Variants in MAMLD1 observed in about 807,000 individuals in gnomAD.
MAMLD1 encodes mastermind-like domain-containing protein 1.
A neutral mutation model predicts 45.0 loss-of-function variants in MAMLD1; 14 were observed. The observed-to-expected ratio is 0.31, with a 90% CI of 0.21 to 0.49. The LOEUF is 0.49. Among genes scored for constraint, MAMLD1 ranks in the 20% least tolerant of loss-of-function variants. MAMLD1 has a pLI of 0.99. For missense variants in MAMLD1, 543 were observed against 603.6 expected (o/e 0.90, Z 1.05); for synonymous variants, 254 against 247.8 (o/e 1.02, Z -0.24).
intron 1 of MAMLD1, among the ~76,000 whole-genome samples, chrX:150,387,539 T>C (rs1483590748): frequency 6.2e-5 from 7 of 112,052 alleles, no homozygotes; most frequent in African/African-American, 2.3e-4. Flanking sequence ...CTGACTTTGC[T>C]CACACATAGG....
In MAMLD1 at chrX:150,513,966, G is replaced by A. The variant is rs782377645; in HGVS notation, c.*2007G>A. ...GTTGATTTGGGGTTTGTCTTTGATG[G>A]TTTCTATCTGCAATTATCGTCATGT... is the stretch of plus-strand genomic sequence containing the variant. On this transcript the variant is annotated 3_prime_UTR_variant, in exon 8 of 8. Transcript: ENST00000370401. 3.4e-6 allele frequency: 1 copy of A among 294,165 alleles called. No homozygotes were observed. Among genetic ancestry groups the A allele is most frequent in the Non-Finnish European group, 5.9e-6 (1 of 169,125 alleles). The allele number at this position is 294,165 out of a possible 1,213,427, so 24.2% of individuals were successfully genotyped here.
chrX:150,470,468 C>G lies in MAMLD1; in HGVS notation c.895C>G (p.Pro299Ala), dbSNP rs781882952. ...LPVALPPLPV[P>A]QWHHAHQLKA... The stretch of plus-strand genomic sequence containing the variant: ...TGTCGCTCTGCCCCCCTTACCAGTG[C>G]CTCAGTGGCATCACGCCCACCAGCT... Residue 299 changes from proline (P) to alanine (A), a missense_variant, in exon 4 of 8, where the codon CCT (proline) becomes GCT (alanine). Coordinates refer to ENST00000370401, the MANE Select transcript of MAMLD1 (RefSeq NM_005491.5). 246 of 1,210,402 alleles carry G rather than the reference C, an allele frequency of 2.0e-4. 4 individuals carry two copies. The South Asian group carries it at 3.2e-3, about 16-fold the overall frequency.
chrX:150,398,313 A>AGAG (rs2033561604), intron 1 of MAMLD1, among the ~76,000 whole-genome samples: 1 of 99,701 alleles, frequency 1.0e-5, no homozygotes, highest in Non-Finnish European at 2.0e-5. Flanking sequence ...AAGAAGAAGA[A>AGAG]GAAGAAGAAG....
chrX:150,367,464 G>A (rs189084355), intron 1 of MAMLD1, among the ~76,000 whole-genome samples: 2 of 112,243 alleles, frequency 1.8e-5, no homozygotes, highest in African/African-American at 6.5e-5. Context: ...ACTATTTGGG[G>A]TTATGAAAGG....
intron 1 of MAMLD1, among the ~76,000 whole-genome samples, chrX:150,393,547 C>T (rs182388361): frequency 8.9e-6 from 1 of 112,313 alleles, no homozygotes; most frequent in African/African-American, 3.2e-5. Context: ...TGTACCACTT[C>T]GCATTCCCAC....
intron 1 of MAMLD1, among the ~76,000 whole-genome samples, chrX:150,414,306 C>G (rs1557402962): frequency 4.0e-4 from 45 of 111,743 alleles, no homozygotes; most frequent in African/African-American, 1.2e-3. Flanking sequence ...GAAGAGCTCA[C>G]CAGGCAGGTG....
intron 1 of MAMLD1, among the ~76,000 whole-genome samples, chrX:150,372,373 T>C (rs1422380879): frequency 9.0e-6 from 1 of 111,455 alleles, no homozygotes; most frequent in Non-Finnish European, 1.9e-5. Context: ...TGGGTTTGGC[T>C]CTTAATGAGA....
At chrX:150,381,918 T>C (rs1196527034) in intron 1 of MAMLD1, among the ~76,000 whole-genome samples, 1 of 111,564 alleles carries the variant, frequency 9.0e-6, no homozygotes, top group Non-Finnish European at 1.9e-5. Context: ...TCTTTATATA[T>C]TCTAGATACT....
At chrX:150,398,561 C>G (rs1166873007) in intron 1 of MAMLD1, among the ~76,000 whole-genome samples, 1 of 111,236 alleles carries the variant, frequency 9.0e-6, no homozygotes, top group Non-Finnish European at 1.9e-5. Context: ...AGTAATTACC[C>G]TGGGGTACTC....
intron 1 of MAMLD1, among the ~76,000 whole-genome samples, chrX:150,370,068 A>G (rs1180769567): frequency 9.2e-6 from 1 of 108,504 alleles, no homozygotes; most frequent in Non-Finnish European, 1.9e-5. Context: ...CAAGCAGAAA[A>G]GGCTGAGTGT....
At chrX:150,416,207 T>C (rs2034244836) in intron 1 of MAMLD1, among the ~76,000 whole-genome samples, 2 of 111,752 alleles carry the variant, frequency 1.8e-5, no homozygotes, top group East Asian at 5.6e-4. Flanking sequence ...GCTCTTGGGC[T>C]TATGGGATAG....
At chrX:150,396,847 C>T (rs1293399629) in intron 1 of MAMLD1, among the ~76,000 whole-genome samples, 1 of 111,888 alleles carries the variant, frequency 8.9e-6, no homozygotes, top group African/African-American at 3.2e-5. Context: ...ATATGGAAAC[C>T]TATGGAACTC....
chrX:150,445,755 G>C, intron 2 of MAMLD1, 143 bp downstream of exon 2: 2 of 491,375 alleles, frequency 4.1e-6, no homozygotes, highest in Non-Finnish European at 7.1e-6. Flanking sequence ...ATGTGATCTA[G>C]AAGAGATCTA....
intron 1 of MAMLD1, among the ~76,000 whole-genome samples, chrX:150,408,578 A>T (rs1048208725): frequency 8.9e-6 from 1 of 112,425 alleles, no homozygotes; most frequent in Non-Finnish European, 1.9e-5. Flanking sequence ...GTAAGAGTCT[A>T]CTGCATCTTT....
intron 1 of MAMLD1, among the ~76,000 whole-genome samples, chrX:150,379,289 TAA>T (rs2032483843): frequency 8.9e-6 from 1 of 111,974 alleles, no homozygotes; most frequent in Admixed American, 9.5e-5. Flanking sequence ...TTTACTCACT[TAA>T]TCCTAGAATA....
At chrX:150,498,097 A>G in intron 5 of MAMLD1, among the ~76,000 whole-genome samples, 1 of 111,041 alleles carries the variant, frequency 9.0e-6, no homozygotes, top group Non-Finnish European at 1.9e-5. Context: ...ATCATCAATT[A>G]TTATTATTAT....
At chrX:150,423,197 C>G (rs781796654) in intron 1 of MAMLD1, among the ~76,000 whole-genome samples, 1 of 112,493 alleles carries the variant, frequency 8.9e-6, no homozygotes, top group African/African-American at 3.2e-5. Flanking sequence ...TTTCTACACT[C>G]TGAGGCAACT....
At chrX:150,365,077 C>T (rs1019097849) in intron 1 of MAMLD1, among the ~76,000 whole-genome samples, 4 of 111,591 alleles carry the variant, frequency 3.6e-5, no homozygotes, top group African/African-American at 1.3e-4. Flanking sequence ...TCCCTCCCAC[C>T]TCTTCTTGTC....
intron 7 of MAMLD1, 37 bp downstream of exon 7, chrX:150,510,083 C>T (rs1284019524): frequency 4.3e-6 from 4 of 940,807 alleles, no homozygotes; most frequent in Non-Finnish European, 4.6e-6. Context: ...AAGGGGTGGG[C>T]AAGGGGTGCA....
Sources: allele counts gnomAD v4.1 joint callset (sites outside exome capture counted in the v4.1 genomes callset), GRCh38; gene constraint gnomAD v4.1.1; transcripts MANE v1.5; gene names NCBI Gene and HGNC (gene_info 2026-07-23, HGNC 2026-07-21).